SNRPN: variants seen among roughly 807,000 people sequenced by gnomAD.
SNRPN encodes small nuclear ribonucleoprotein-associated protein N.
SNRPN carries 7 observed loss-of-function variants against 25.2 expected under a neutral mutation model. That is an observed-to-expected ratio of 0.28 (90% confidence interval 0.16 to 0.52). The LOEUF (loss-of-function observed/expected upper bound fraction) is 0.52, where lower values mean the gene tolerates loss of function less well. SNRPN is among the 20% of genes least tolerant of loss of function. SNRPN has a pLI of 0.96. For synonymous variants in SNRPN, 124 were observed against 110.6 expected (o/e 1.12, Z -0.76); for missense variants, 196 against 322.5 (o/e 0.61, Z 3.00).
At position 24,928,771 on chromosome 15, in the gene SNRPN, A is replaced by G. The variant is rs937378593; in HGVS notation, c.-391+8647A>G. ...CAGGCACATGCCATCATGCCTAGCT[A>G]TTTTTTTTTAATTTTCTATAAAGGT... On this transcript the variant is annotated intron_variant, in intron 3 of 11. Coordinates refer to the SNRPN transcript ENST00000400097. Among the ~76,000 whole-genome samples, 28 of 150,868 alleles carry G rather than the reference A, an allele frequency of 1.9e-4. 3 individuals carry two copies. Among genetic ancestry groups the G allele is most frequent in the African/African-American group, 6.6e-4 (27 of 41,122 alleles).
At chr15:24,887,170 C>A (rs543692522) in intron 2 of SNRPN, among the ~76,000 whole-genome samples, 3 of 133,202 alleles carry the variant, frequency 2.3e-5, no homozygotes, top group Non-Finnish European at 3.1e-5. Context: ...TTTTTTGAGA[C>A]GGAGTCTTGC....
At position 24,978,171 on chromosome 15, in the gene SNRPN, T is replaced by C. The variant is rs778326272; in HGVS notation, c.560-22T>C. ...TCTAAGCCATTTTATGAGGCCTTTA[T>C]TTCTACCATTTTTCACTGTAGGCAT... On this transcript the variant is annotated intron_variant, in intron 8 of 9. Coordinates refer to ENST00000390687, the MANE Select transcript of SNRPN (RefSeq NM_003097.6). 1.1e-5 allele frequency: 17 copies of C among 1,607,286 alleles called. No homozygotes were observed. In the South Asian group the frequency reaches 1.9e-4, roughly 18 times the overall value.
intron 1 of SNRPN, among the ~76,000 whole-genome samples, chr15:24,958,497 T>TTG (rs1375881057): frequency 7.7e-6 from 1 of 130,584 alleles, no homozygotes; most frequent in Non-Finnish European, 1.6e-5. Context: ...TTTTTTTTTT[T>TTG]TTTTTTTTTT....
At chr15:24,837,585 G>T (rs1271402440) in intron 2 of SNRPN, among the ~76,000 whole-genome samples, 1 of 151,792 alleles carries the variant, frequency 6.6e-6, no homozygotes, top group African/African-American at 2.4e-5. Flanking sequence ...TAGCTAGGAT[G>T]GTCTCGATCT....
intron 2 of SNRPN, among the ~76,000 whole-genome samples, chr15:24,839,119 T>C (rs1032332038): frequency 2.6e-5 from 4 of 152,058 alleles, no homozygotes; most frequent in African/African-American, 9.7e-5. Context: ...CCATTTCCCA[T>C]GCATTGGAGT....
At chr15:24,834,237 C>G (rs1009120024) in intron 2 of SNRPN, among the ~76,000 whole-genome samples, 9 of 151,988 alleles carry the variant, frequency 5.9e-5, no homozygotes, top group Admixed American at 2.0e-4. Context: ...AAATGCCCAT[C>G]CCATTATATT....
chr15:24,844,084 T>A lies in SNRPN; in HGVS notation c.-579+14179T>A, dbSNP rs146278207. Among the ~76,000 whole-genome samples the A allele has an allele frequency of 1.0e-2, 1,521 of 152,118 alleles. 24 individuals carry two copies. Among genetic ancestry groups the A allele is most frequent in the African/African-American group, 0.034 (1,417 of 41,512 alleles). The stretch of plus-strand genomic sequence containing the variant: ...ATATGGGAATCCCCGTTACTCCACA[T>A]CCTTACCAGCACTTGGTTTGGACTC... On this transcript the variant is annotated intron_variant, in intron 2 of 12. Transcript: ENST00000400100.
intron 2 of SNRPN, chr15:24,848,818 C>CT (rs1174033866): frequency 6.6e-6 from 1 of 151,896 alleles, no homozygotes; most frequent in East Asian, 1.9e-4. Flanking sequence ...CCCACAGTCT[C>CT]TATTTTCATT....
chr15:24,957,487 T>C (rs921841536), intron 1 of SNRPN, among the ~76,000 whole-genome samples: 1 of 152,232 alleles, frequency 6.6e-6, no homozygotes, highest in Non-Finnish European at 1.5e-5. Flanking sequence ...CATTTTTATA[T>C]TCCAGTACTT....
Position 24,976,356 on chromosome 15 carries a change from G to C in SNRPN, c.207G>C (p.Leu69=). The C allele has an allele frequency of 6.2e-7, 1 of 1,613,310 alleles. No individual in the cohort carries two copies. Among genetic ancestry groups the C allele is most frequent in the Non-Finnish European group, 8.5e-7 (1 of 1,179,838 alleles). The part of the protein sequence containing the change: ...PEREEKRVLG[L]VLLRGENLVS... ...GTGAAGAAAAGCGGGTTTTGGGTCT[G>C]GTGTTGCTGCGTGGGGAGAACTTGG... The change falls in exon 6 of 10, where the codon CTG becomes CTC. Residue 69 remains leucine, a synonymous_variant. Coordinates refer to ENST00000390687, the MANE Select transcript of SNRPN (RefSeq NM_003097.6).
intron 3 of SNRPN, among the ~76,000 whole-genome samples, chr15:24,925,955 C>T (rs2647370): frequency 6.6e-6 from 1 of 152,110 alleles, no homozygotes; most frequent in Non-Finnish European, 1.5e-5. Flanking sequence ...AGGATGGTCT[C>T]GATCTCCTGA....
rs1296604463 is a variant in SNRPN at position 24,967,653 on chromosome 15, A to C, written c.-294-279A>C. Among the ~76,000 whole-genome samples the C allele has an allele frequency of 4.0e-5, 6 of 151,320 alleles. No homozygotes were observed. The East Asian group carries it at 9.8e-4, about 25-fold the overall frequency. On this transcript the variant is annotated intron_variant, in intron 2 of 9. Coordinates refer to ENST00000390687, the MANE Select transcript of SNRPN (RefSeq NM_003097.6). ...TGAGACTCTGTCTTAAAAAAAAAAA[A>C]AAAAATTAGCTGGGTGTGGTGGTAG...
chr15:24,949,169 G>A (rs984121212), intron 3 of SNRPN, among the ~76,000 whole-genome samples: 12 of 151,628 alleles, frequency 7.9e-5, no homozygotes, highest in Non-Finnish European at 1.3e-4. Flanking sequence ...TTGCAGGCAC[G>A]TGCCACCACA....
At chr15:24,849,861 G>GA (rs1161390947) in intron 2 of SNRPN, 1 of 152,150 alleles carries the variant, frequency 6.6e-6, no homozygotes, top group African/African-American at 2.4e-5. Flanking sequence ...TATACTTATT[G>GA]AAAAAATCCT....
chr15:24,869,603 G>A (rs1166646268), intron 1 of SNRPN, among the ~76,000 whole-genome samples: 1 of 152,068 alleles, frequency 6.6e-6, no homozygotes, highest in Admixed American at 6.6e-5. Context: ...GATTATACTG[G>A]AGTTGGGTTT....
At chr15:24,893,213 A>C (rs1043700028) in intron 2 of SNRPN, among the ~76,000 whole-genome samples, 1 of 120,908 alleles carries the variant, frequency 8.3e-6, no homozygotes, top group Non-Finnish European at 1.7e-5. Context: ...GTCTCAAAAC[A>C]AACAAACAAA....
chr15:24,885,289 T>C (rs1566869872), intron 1 of SNRPN, among the ~76,000 whole-genome samples: 1 of 152,178 alleles, frequency 6.6e-6, no homozygotes, highest in Non-Finnish European at 1.5e-5. Context: ...GAATGTGCCT[T>C]AGTTAATCTC....
At chr15:24,882,834 AT>A (rs59833286) in intron 1 of SNRPN, among the ~76,000 whole-genome samples, 14,681 of 126,278 alleles carry the variant, frequency 0.12, 1,837 homozygotes, top group Admixed American at 0.23. Flanking sequence ...AAAAAAAAAA[AT>A]ATATATATAT....
chr15:24,977,541 G>T (rs1337281431), intron 7 of SNRPN, among the ~76,000 whole-genome samples: 2 of 152,106 alleles, frequency 1.3e-5, no homozygotes, highest in African/African-American at 4.8e-5. Context: ...CAGGCAGGGA[G>T]ACAGGAGAAT....
Sources: allele counts gnomAD v4.1 joint callset (sites outside exome capture counted in the v4.1 genomes callset), GRCh38; gene constraint gnomAD v4.1.1; transcripts MANE v1.5; gene names NCBI Gene and HGNC (gene_info 2026-07-23, HGNC 2026-07-21).